Variants in RBFOX1 observed in about 807,000 individuals in gnomAD.
RBFOX1 encodes RNA binding fox-1 homolog 1, also known as RNA binding protein fox-1 homolog 1.
Under a neutral mutation model 57.7 loss-of-function variants are expected in RBFOX1, and 8 were observed. The observed-to-expected ratio is 0.14, with a 90% confidence interval of 0.08 to 0.25. The LOEUF is 0.25. Ranked by LOEUF, RBFOX1 falls within the 10% of genes least tolerant of loss-of-function variation. The probability of loss-of-function intolerance (pLI) is 1.00; values close to 1 mark genes in which losing one functional copy is unlikely to be tolerated. For synonymous variants in RBFOX1, 326 were observed against 222.4 expected (o/e 1.47, Z -4.15); for missense variants, 611 against 548.5 (o/e 1.11, Z -1.14).
At chr16:6,531,652 T>C (rs1311508684) in intron 2 of RBFOX1, among the ~76,000 whole-genome samples, 2 of 152,192 alleles carry the variant, frequency 1.3e-5, no homozygotes, top group Non-Finnish European at 2.9e-5. Context: ...TCGGAGCATA[T>C]GTTGTCTAGT....
At chr16:6,482,743 G>C (rs58775805) in intron 2 of RBFOX1, among the ~76,000 whole-genome samples, 21,252 of 152,170 alleles carry the variant, frequency 0.14, 2,349 homozygotes, top group East Asian at 0.47. Flanking sequence ...TGTTTGGGGC[G>C]GGAGGCGAGA....
chr16:6,491,118 C>T (rs923632980), intron 2 of RBFOX1, among the ~76,000 whole-genome samples: 5 of 151,784 alleles, frequency 3.3e-5, no homozygotes, highest in Non-Finnish European at 2.9e-5. Context: ...ATAGTTATAT[C>T]TATAGTTAAG....
At chr16:7,030,394 A>G (rs777481272) in intron 3 of RBFOX1, among the ~76,000 whole-genome samples, 1 of 152,196 alleles carries the variant, frequency 6.6e-6, no homozygotes, top group Non-Finnish European at 1.5e-5. Context: ...AAGTTTATTC[A>G]TTCAAGGTTC....
intron 4 of RBFOX1, among the ~76,000 whole-genome samples, chr16:7,148,153 C>T (rs2075396375): frequency 6.6e-6 from 1 of 152,168 alleles, no homozygotes; most frequent in Admixed American, 6.6e-5. Context: ...AAATGCTGTT[C>T]TCAGGGCTAA....
intron 4 of RBFOX1, among the ~76,000 whole-genome samples, chr16:5,952,424 T>C (rs931666671): frequency 6.6e-6 from 1 of 152,130 alleles, no homozygotes; most frequent in Non-Finnish European, 1.5e-5. Context: ...TAGCTGGGAT[T>C]ATAGTCGTGT....
intron 3 of RBFOX1, among the ~76,000 whole-genome samples, chr16:6,988,869 T>G (rs1455298220): frequency 1.3e-5 from 2 of 151,988 alleles, no homozygotes; most frequent in Non-Finnish European, 2.9e-5. Flanking sequence ...CCTCCTGGGT[T>G]CAGTGATTCT....
chr16:5,615,879 T>C (rs1381622328), intron 3 of RBFOX1, among the ~76,000 whole-genome samples: 3 of 152,196 alleles, frequency 2.0e-5, no homozygotes, highest in Non-Finnish European at 1.5e-5. Flanking sequence ...CCCCAATTAT[T>C]TGTGGCACCG....
At chr16:5,982,118 C>A (rs1407335681) in intron 4 of RBFOX1, among the ~76,000 whole-genome samples, 1 of 152,162 alleles carries the variant, frequency 6.6e-6, no homozygotes, top group African/African-American at 2.4e-5. Context: ...TTATAATGGC[C>A]TGTCAGCTTC....
intron 1 of RBFOX1, among the ~76,000 whole-genome samples, chr16:5,244,373 G>T (rs1330563231): frequency 1.3e-5 from 2 of 152,158 alleles, no homozygotes; most frequent in Non-Finnish European, 2.9e-5. Context: ...CACAAGACTT[G>T]CCTGTTCCCC....
chr16:5,956,359 A>T (rs2059639167), intron 4 of RBFOX1, among the ~76,000 whole-genome samples: 1 of 152,074 alleles, frequency 6.6e-6, no homozygotes, highest in Non-Finnish European at 1.5e-5. Flanking sequence ...TTTTAGTATA[A>T]ATATGTTGCA....
intron 3 of RBFOX1, among the ~76,000 whole-genome samples, chr16:6,711,813 C>G (rs1318466758): frequency 1.3e-5 from 2 of 152,132 alleles, no homozygotes; most frequent in East Asian, 3.9e-4. Flanking sequence ...TTGTCTATTT[C>G]CTCTACCTGG....
At chr16:6,241,530 G>A (rs1276410580) in intron 1 of RBFOX1, among the ~76,000 whole-genome samples, 1 of 152,156 alleles carries the variant, frequency 6.6e-6, no homozygotes, top group Non-Finnish European at 1.5e-5. Flanking sequence ...TAATTTCTAT[G>A]AGCAAGAGCA....
At chr16:5,776,242 C>G (rs182578534) in intron 3 of RBFOX1, among the ~76,000 whole-genome samples, 2 of 152,166 alleles carry the variant, frequency 1.3e-5, no homozygotes, top group Non-Finnish European at 2.9e-5. Flanking sequence ...TTTGCACATT[C>G]GTTGATTTGT....
At chr16:7,365,504 A>C (rs552760484) in intron 4 of RBFOX1, among the ~76,000 whole-genome samples, 8 of 152,314 alleles carry the variant, frequency 5.3e-5, no homozygotes, top group Admixed American at 4.6e-4. Context: ...CCCACAGGGA[A>C]CATTCGGAAA....
Position 5,916,891 on chromosome 16 carries a change from C to A in RBFOX1, c.351+49556C>A, listed in dbSNP as rs76617574. On this transcript the variant is annotated intron_variant, in intron 4 of 19. Coordinates refer to the RBFOX1 transcript ENST00000641259. ...ACGGGGGAAAGCAGGTTTCCCAATG[C>A]CTGGGTGACTCCTGCCTCAGGACTG... 6.6e-4 allele frequency among the ~76,000 whole-genome samples: 101 copies of A among 152,230 alleles called. No homozygotes were observed. In the East Asian group the frequency reaches 0.015, roughly 23 times the overall value.
chr16:7,226,018 C>T (rs892754720), intron 4 of RBFOX1, among the ~76,000 whole-genome samples: 7 of 151,772 alleles, frequency 4.6e-5, no homozygotes, highest in Non-Finnish European at 4.4e-5. Flanking sequence ...TGAATCTGTA[C>T]ACTCTGCTTT....
chr16:6,399,358 A>AT (rs534345675), intron 2 of RBFOX1, among the ~76,000 whole-genome samples: 55 of 152,248 alleles, frequency 3.6e-4, no homozygotes, highest in African/African-American at 1.3e-3. Context: ...ACTTATGCGG[A>AT]TTTCTTCCAC....
intron 3 of RBFOX1, among the ~76,000 whole-genome samples, chr16:6,693,900 A>G (rs921235891): frequency 1.3e-5 from 2 of 152,252 alleles, no homozygotes. Context: ...TGGATCCTTT[A>G]TGAGAATCAT....
At chr16:7,211,109 G>C (rs2091038651) in intron 4 of RBFOX1, among the ~76,000 whole-genome samples, 1 of 148,822 alleles carries the variant, frequency 6.7e-6, no homozygotes, top group Non-Finnish European at 1.5e-5. Context: ...AAAGGACTCT[G>C]GGCCGGGTGC....
Sources: allele counts gnomAD v4.1 joint callset (sites outside exome capture counted in the v4.1 genomes callset), GRCh38; gene constraint gnomAD v4.1.1; transcripts MANE v1.5; gene names NCBI Gene and HGNC (gene_info 2026-07-23, HGNC 2026-07-21).